SIPA1L3: variants seen among roughly 807,000 people sequenced by gnomAD.
SIPA1L3 encodes the protein signal induced proliferation associated 1 like 3, also known as signal-induced proliferation-associated 1-like protein 3.
Under a neutral mutation model 150.1 loss-of-function variants are expected in SIPA1L3, and 59 were observed. The observed-to-expected ratio is 0.39, with a 90% CI of 0.32 to 0.49. The LOEUF (loss-of-function observed/expected upper bound fraction) is 0.49, where lower values mean the gene tolerates loss of function less well. Ranked by LOEUF, SIPA1L3 falls within the 20% of genes least tolerant of loss-of-function variation. The pLI is 0.86. For missense variants in SIPA1L3, 2,211 were observed against 2,489.5 expected (o/e 0.89, Z 2.38); for synonymous variants, 1,070 against 1,077.6 (o/e 0.99, Z 0.14).
At chr19:37,936,174 A>G (rs1052713708) in intron 1 of SIPA1L3, among the ~76,000 whole-genome samples, 4 of 152,028 alleles carry the variant, frequency 2.6e-5, no homozygotes, top group African/African-American at 4.8e-5. Flanking sequence ...GCTTGTGACT[A>G]TTTGGCTAGA....
rs1008363920 is a variant in SIPA1L3 at position 37,967,896 on chromosome 19, C to T, written c.-379+60538C>T. Among the ~76,000 whole-genome samples, 5 of 152,062 alleles carry T rather than the reference C, an allele frequency of 3.3e-5. No homozygotes were observed. In the South Asian group the frequency reaches 6.2e-4, roughly 19 times the overall value. On this transcript the variant is annotated intron_variant, in intron 1 of 21. Coordinates refer to ENST00000222345, the MANE Select transcript of SIPA1L3 (RefSeq NM_015073.3). The stretch of plus-strand genomic sequence containing the variant: ...CTAGTCTCAAACTCCCGAGCTCAAG[C>T]GATCCACCCGCCTCAGCCTCACAAA...
intron 18 of SIPA1L3, among the ~76,000 whole-genome samples, chr19:38,195,148 C>T (rs1324578040): frequency 6.6e-6 from 1 of 152,224 alleles, no homozygotes; most frequent in African/African-American, 2.4e-5. Context: ...GCTCCTCCAC[C>T]TCACAGAGCC....
chr19:38,155,568 G>A (rs962762217), intron 13 of SIPA1L3, among the ~76,000 whole-genome samples: 1 of 152,208 alleles, frequency 6.6e-6, no homozygotes, highest in Admixed American at 6.5e-5. Flanking sequence ...ATGAATGGGC[G>A]AGATGGATTC....
chr19:38,201,887 T>A lies in SIPA1L3; in HGVS notation c.5010T>A (p.Ser1670=). 1 of 1,613,202 alleles carries A rather than the reference T, an allele frequency of 6.2e-7. No individual in the cohort carries two copies. The highest frequency in any genetic ancestry group is 1.1e-5 in the South Asian group (1 of 90,978). ...TGCAAAGAGCCGTCTCACTCTTCTC[T>A]CTGAACGACCCGGCCCTGAGCCCGG... The part of the protein sequence containing the change: ...YEVQRAVSLF[S]LNDPALSPDI... Residue 1670 remains serine, a synonymous_variant, in exon 20 of 22, where the codon TCT becomes TCA. Transcript: ENST00000222345.
At chr19:38,127,631 C>A (rs904736017) in intron 9 of SIPA1L3, among the ~76,000 whole-genome samples, 1 of 152,014 alleles carries the variant, frequency 6.6e-6, no homozygotes, top group Non-Finnish European at 1.5e-5. Context: ...GCTGGGACTG[C>A]AAGCGTATGC....
intron 2 of SIPA1L3, among the ~76,000 whole-genome samples, chr19:38,041,519 C>T (rs536813426): frequency 4.0e-5 from 6 of 151,838 alleles, no homozygotes; most frequent in South Asian, 2.1e-4. Context: ...CCTCGTGATC[C>T]GCCTGCCTCA....
chr19:37,949,294 C>T (rs1156314311), intron 1 of SIPA1L3, among the ~76,000 whole-genome samples: 2 of 152,196 alleles, frequency 1.3e-5, no homozygotes, highest in Non-Finnish European at 2.9e-5. Flanking sequence ...ATGGTCACCT[C>T]TCATCCAGTG....
At chr19:37,963,589 C>T (rs1382631728) in intron 1 of SIPA1L3, among the ~76,000 whole-genome samples, 4 of 152,228 alleles carry the variant, frequency 2.6e-5, no homozygotes, top group African/African-American at 9.6e-5. Flanking sequence ...CCAAATTAAA[C>T]GCCACATGTT....
Position 38,049,597 on chromosome 19 carries a change from C to T in SIPA1L3, c.-311+20441C>T, listed in dbSNP as rs540377876. Reference sequence around the variant, plus strand: ...TTGCCTTAGGAACCCATGGGGCTTACCCCCAGGAGTCAGTTGCAGCCGGAG... The same window carrying T: ...TTGCCTTAGGAACCCATGGGGCTTATCCCCAGGAGTCAGTTGCAGCCGGAG... On this transcript the variant is annotated intron_variant, in intron 2 of 21. Coordinates refer to ENST00000222345, the MANE Select transcript of SIPA1L3 (RefSeq NM_015073.3). Among the ~76,000 whole-genome samples, 220 of 152,294 alleles carry T rather than the reference C, an allele frequency of 1.4e-3. 2 individuals carry two copies. Among genetic ancestry groups the T allele is most frequent in the African/African-American group, 4.8e-3 (201 of 41,568 alleles).
intron 4 of SIPA1L3, among the ~76,000 whole-genome samples, chr19:38,095,415 G>T (rs1422982560): frequency 6.6e-6 from 1 of 152,156 alleles, no homozygotes; most frequent in Non-Finnish European, 1.5e-5. Context: ...TTCTTGAAGG[G>T]TACACCTGCC....
At position 38,082,246 on chromosome 19, in the gene SIPA1L3, C is replaced by A. The variant is rs765214825; in HGVS notation, c.681C>A (p.Ser227Arg). The A allele has an allele frequency of 6.2e-7, 1 of 1,601,100 alleles. No individual in the cohort carries two copies. The highest frequency in any genetic ancestry group is 8.5e-7 in the Non-Finnish European group (1 of 1,179,730). ...TCGACATCCTGAACGAGTTCCGCAG[C>A]GAGCAGCCCGACGCCCGAGGGTGCC... The part of the protein sequence containing the change: ...SFFDILNEFR[S>R]EQPDARGCQA... Residue 227 changes from serine (S) to arginine (R), a missense_variant, in exon 3 of 22, where the codon AGC (serine) becomes AGA (arginine). By Grantham distance (110) the Ser-to-Arg change is moderately radical. Around this residue, in one of 5 missense-constraint regions of SIPA1L3, gnomAD observed 587 missense variants for 534.5 expected, o/e 1.10. Transcript: ENST00000222345.
At chr19:38,128,212 G>C (rs898994989) in intron 9 of SIPA1L3, among the ~76,000 whole-genome samples, 3 of 151,814 alleles carry the variant, frequency 2.0e-5, no homozygotes, top group Admixed American at 1.3e-4. Context: ...ATACCACCAC[G>C]TCAGGCCTCT....
chr19:38,097,683 A>G (rs1970410447), intron 4 of SIPA1L3, among the ~76,000 whole-genome samples: 1 of 152,124 alleles, frequency 6.6e-6, no homozygotes, highest in Non-Finnish European at 1.5e-5. Context: ...CAGCCTCCCA[A>G]GTAGCTGGGA....
At chr19:37,928,269 T>C (rs908632218) in intron 1 of SIPA1L3, among the ~76,000 whole-genome samples, 3 of 152,238 alleles carry the variant, frequency 2.0e-5, no homozygotes, top group Admixed American at 2.0e-4. Flanking sequence ...GCTACTGCAG[T>C]GGTTTTCAAA....
intron 1 of SIPA1L3, among the ~76,000 whole-genome samples, chr19:38,005,222 C>A (rs1275062366): frequency 6.6e-6 from 1 of 152,080 alleles, no homozygotes. Context: ...TGCCAAAGGA[C>A]AGCAATTGGG....
At chr19:38,163,155 G>T (rs1403666055) in intron 14 of SIPA1L3, among the ~76,000 whole-genome samples, 1 of 152,168 alleles carries the variant, frequency 6.6e-6, no homozygotes, top group Non-Finnish European at 1.5e-5. Flanking sequence ...CTTCCCATTT[G>T]GGGCAGCAAG....
At chr19:38,117,557 TGTG>T (rs1322725675) in intron 8 of SIPA1L3, among the ~76,000 whole-genome samples, 1 of 151,406 alleles carries the variant, frequency 6.6e-6, no homozygotes, top group Non-Finnish European at 1.5e-5. Flanking sequence ...AGGCGGAGGT[TGTG>T]GTGAGCCGAG....
intron 21 of SIPA1L3, 29 bp from the exon 22 acceptor site, chr19:38,206,068 G>C (rs74573108): frequency 8.7e-5 from 132 of 1,516,750 alleles, no homozygotes; most frequent in Middle Eastern, 8.6e-4. Context: ...AAGCCCACCC[G>C]CCTGATGCCA....
chr19:38,051,834 T>C lies in SIPA1L3; in HGVS notation c.-311+22678T>C, dbSNP rs190320822. Among the ~76,000 whole-genome samples, 38 of 152,320 alleles carry C rather than the reference T, an allele frequency of 2.5e-4. 1 individual carries two copies. The highest frequency in any genetic ancestry group is 3.4e-3 in the Middle Eastern group (1 of 294). On this transcript the variant is annotated intron_variant, in intron 2 of 21. Transcript: ENST00000222345. ...CTGGTCTTGAACTCCTGGTCTCAAG[T>C]AGTGTTCCCGTCTTGGCCTCCCAAA...
Sources: allele counts gnomAD v4.1 joint callset (sites outside exome capture counted in the v4.1 genomes callset), GRCh38; gene constraint gnomAD v4.1.1; regional missense constraint gnomAD v4.1.1; transcripts MANE v1.5; gene names NCBI Gene and HGNC (gene_info 2026-07-23, HGNC 2026-07-21).